LRRC4C: variants seen among roughly 807,000 people sequenced by gnomAD.
The protein encoded by LRRC4C is leucine rich repeat containing 4C.
LRRC4C carries 5 observed loss-of-function variants against 33.6 expected under a neutral mutation model. The ratio of observed to expected loss-of-function variants is 0.15; its 90% confidence interval spans 0.08 to 0.31. The LOEUF is 0.31. LRRC4C is among the 10% of genes least tolerant of loss of function. LRRC4C has a pLI of 1.00. For synonymous variants in LRRC4C, 329 were observed against 302.0 expected, an observed-to-expected ratio of 1.09 and a Z score of -0.93; for missense variants, 560 against 796.7, an observed-to-expected ratio of 0.70 and a Z score of 3.58.
chr11:40,796,898 C>T (rs1394185378), intron 2 of LRRC4C, among the ~76,000 whole-genome samples: 4 of 152,190 alleles, frequency 2.6e-5, no homozygotes, highest in South Asian at 2.1e-4. Flanking sequence ...CTGCCGTCCT[C>T]GGCCTCCCCA....
chr11:40,755,147 A>G (rs1020340051), intron 2 of LRRC4C, among the ~76,000 whole-genome samples: 5 of 152,090 alleles, frequency 3.3e-5, no homozygotes, highest in Non-Finnish European at 5.9e-5. Context: ...AGAATCAGGG[A>G]CAATATTAAC....
At chr11:40,392,975 TA>T (rs1403450871) in intron 3 of LRRC4C, among the ~76,000 whole-genome samples, 17 of 152,154 alleles carry the variant, frequency 1.1e-4, no homozygotes, top group African/African-American at 3.6e-4. Flanking sequence ...GAACCATTGA[TA>T]AGTGACTCAC....
Position 40,259,099 on chromosome 11 carries a change from A to G in LRRC4C, c.-175-17501T>C, listed in dbSNP as rs191287247. Reference sequence around the variant, plus strand: ...AGTATGCTGACTTGCCCAAAGACTCACAGCTACTAGTGGAGTGTTGGGGCC... The same window carrying G: ...AGTATGCTGACTTGCCCAAAGACTCGCAGCTACTAGTGGAGTGTTGGGGCC... On this transcript the variant is annotated intron_variant, in intron 4 of 6. Coordinates refer to ENST00000528697, the MANE Select transcript of LRRC4C (RefSeq NM_001258419.2). Among the ~76,000 whole-genome samples, 781 of 152,288 alleles carry G rather than the reference A, an allele frequency of 5.1e-3. 4 individuals carry two copies. The highest frequency in any genetic ancestry group is 9.1e-3 in the Non-Finnish European group (620 of 68,020).
At chr11:40,995,201 C>T (rs940544853) in intron 1 of LRRC4C, among the ~76,000 whole-genome samples, 2 of 151,978 alleles carry the variant, frequency 1.3e-5, no homozygotes, top group Non-Finnish European at 2.9e-5. Flanking sequence ...GCAGTTTGTG[C>T]CCAGCAAAAT....
chr11:41,056,846 C>T (rs1032946775), intron 1 of LRRC4C, among the ~76,000 whole-genome samples: 1 of 152,220 alleles, frequency 6.6e-6, no homozygotes, highest in African/African-American at 2.4e-5. Flanking sequence ...CAGCCACTGC[C>T]ATCACACCAG....
At chr11:40,737,771 A>G (rs780580336) in intron 2 of LRRC4C, among the ~76,000 whole-genome samples, 2 of 152,204 alleles carry the variant, frequency 1.3e-5, no homozygotes, top group African/African-American at 2.4e-5. Flanking sequence ...TGAAGAATCA[A>G]TACTGTGAAA....
chr11:40,799,980 C>A (rs182156992), intron 2 of LRRC4C, among the ~76,000 whole-genome samples: 4 of 151,944 alleles, frequency 2.6e-5, no homozygotes, highest in Admixed American at 2.0e-4. Flanking sequence ...TAAAAGACAA[C>A]ATAAATTTTC....
intron 3 of LRRC4C, among the ~76,000 whole-genome samples, chr11:40,587,140 T>G (rs1208191199): frequency 6.6e-6 from 1 of 152,066 alleles, no homozygotes; most frequent in Non-Finnish European, 1.5e-5. Context: ...TTGTATCCTC[T>G]TTTATTTCCT....
At chr11:40,706,299 A>T (rs1946166075) in intron 2 of LRRC4C, among the ~76,000 whole-genome samples, 1 of 152,168 alleles carries the variant, frequency 6.6e-6, no homozygotes, top group Non-Finnish European at 1.5e-5. Flanking sequence ...CTATGTCCTG[A>T]ATGGTATTGC....
At chr11:41,135,058 A>G (rs1590709979) in intron 1 of LRRC4C, among the ~76,000 whole-genome samples, 1 of 150,566 alleles carries the variant, frequency 6.6e-6, no homozygotes, top group Non-Finnish European at 1.5e-5. Context: ...ACATATACAC[A>G]TATACACACA....
intron 2 of LRRC4C, among the ~76,000 whole-genome samples, chr11:40,651,433 G>T (rs939896255): frequency 6.6e-6 from 1 of 152,126 alleles, no homozygotes; most frequent in Non-Finnish European, 1.5e-5. Context: ...AGGTTGGAAA[G>T]TAGAATAAGT....
intron 3 of LRRC4C, among the ~76,000 whole-genome samples, chr11:40,336,820 C>CA (rs1163290281): frequency 1.3e-4 from 20 of 151,422 alleles, no homozygotes; most frequent in African/African-American, 4.9e-4. Flanking sequence ...ACTGAAAATA[C>CA]AAAAAAATTA....
At chr11:40,888,549 A>G (rs1183264480) in intron 2 of LRRC4C, among the ~76,000 whole-genome samples, 1 of 151,990 alleles carries the variant, frequency 6.6e-6, no homozygotes, top group Non-Finnish European at 1.5e-5. Context: ...ATTCCCACTT[A>G]TTTGGAAATG....
In LRRC4C at chr11:40,833,663, G is replaced by T. The variant is rs541683424; in HGVS notation, c.-407+99972C>A. ...ATTGAAAATGTAAGAATTAGCAAAT[G>T]ATTATTTTTCTATCAAAAAATAGGA... On this transcript the variant is annotated intron_variant, in intron 2 of 6. Transcript: ENST00000528697. 7.2e-5 allele frequency among the ~76,000 whole-genome samples: 11 copies of T among 152,008 alleles called. No homozygotes were observed. In the East Asian group the frequency reaches 2.1e-3, roughly 29 times the overall value.
intron 1 of LRRC4C, among the ~76,000 whole-genome samples, chr11:41,431,400 G>A (rs1346250797): frequency 6.6e-6 from 1 of 151,908 alleles, no homozygotes; most frequent in Non-Finnish European, 1.5e-5. Flanking sequence ...TCCTTAGGAA[G>A]GAAGGAAGGA....
chr11:40,937,017 T>C (rs1349904608), intron 1 of LRRC4C, among the ~76,000 whole-genome samples: 1 of 152,234 alleles, frequency 6.6e-6, no homozygotes, highest in Non-Finnish European at 1.5e-5. Flanking sequence ...TCAGCAGATG[T>C]ATGTTCATTC....
In LRRC4C at chr11:40,708,054, G is replaced by A. The variant is rs1002826691; in HGVS notation, c.-406-59776C>T. Among the ~76,000 whole-genome samples the A allele has an allele frequency of 9.2e-5, 14 of 152,196 alleles. No individual in the cohort carries two copies. The East Asian group carries it at 2.7e-3, about 29-fold the overall frequency. On this transcript the variant is annotated intron_variant, in intron 2 of 6. Coordinates refer to ENST00000528697, the MANE Select transcript of LRRC4C (RefSeq NM_001258419.2). Reference sequence around the variant, plus strand: ...TTTGCATTTCTGTGGGATCGGTGGTGACATCCCCTTTATCATTTTTTATTG... The same window carrying A: ...TTTGCATTTCTGTGGGATCGGTGGTAACATCCCCTTTATCATTTTTTATTG...
At chr11:40,407,913 T>C (rs556216924) in intron 3 of LRRC4C, among the ~76,000 whole-genome samples, 12 of 152,044 alleles carry the variant, frequency 7.9e-5, no homozygotes, top group Non-Finnish European at 1.8e-4. Context: ...GGAGGATTTA[T>C]TAAAATCACA....
At chr11:41,270,555 C>A (rs987278949) in intron 1 of LRRC4C, among the ~76,000 whole-genome samples, 13 of 152,116 alleles carry the variant, frequency 8.5e-5, no homozygotes, top group Non-Finnish European at 1.9e-4. Context: ...TGCCTCTTCA[C>A]CCCCACAGAA....
Sources: gnomAD v4.1 joint callset for allele counts (sites outside exome capture counted in the v4.1 genomes callset) on GRCh38, gnomAD v4.1.1 for gene constraint, MANE v1.5 for transcripts, NCBI Gene and HGNC (gene_info 2026-07-23, HGNC 2026-07-21) for gene names.